Variants in TENM4 observed in about 807,000 individuals in gnomAD.
TENM4 encodes the protein teneurin transmembrane protein 4.
Under a neutral mutation model 243.3 loss-of-function variants are expected in TENM4, and 82 were observed. The observed-to-expected ratio is 0.34, with a 90% CI of 0.28 to 0.40. TENM4 has a LOEUF of 0.40. Among genes scored for constraint, TENM4 ranks in the 10% least tolerant of loss-of-function variants. The pLI is 1.00. For synonymous variants in TENM4, 1,412 were observed against 1,456.3 expected (o/e 0.97, Z 0.69); for missense variants, 3,138 against 3,673.3 (o/e 0.85, Z 3.77).
chr11:79,342,975 A>G (rs1051079131), intron 1 of TENM4, among the ~76,000 whole-genome samples: 1 of 152,208 alleles, frequency 6.6e-6, no homozygotes, highest in African/African-American at 2.4e-5. Context: ...TAAGTCCACC[A>G]CATTCATTTT....
chr11:79,300,030 T>C (rs950940255), intron 1 of TENM4, among the ~76,000 whole-genome samples: 1 of 152,192 alleles, frequency 6.6e-6, no homozygotes, highest in Non-Finnish European at 1.5e-5. Context: ...TGACACCTCT[T>C]CCAGGAAGGC....
chr11:79,384,886 A>T lies in TENM4; in HGVS notation c.-321+55623T>A, dbSNP rs572609286. 4.2e-5 allele frequency among the ~76,000 whole-genome samples: 6 copies of T among 141,206 alleles called. No individual in the cohort carries two copies. The South Asian group carries it at 1.4e-3, about 32-fold the overall frequency. 92.6% of individuals were successfully genotyped at this position (141,206 alleles called of 152,430 possible). On this transcript the variant is annotated intron_variant, in intron 1 of 33. Coordinates refer to ENST00000278550, the MANE Select transcript of TENM4 (RefSeq NM_001098816.3). ...AGTTGCAGTGAGCCGAGATGGCACC[A>T]CTGCACTCCAGCCTGGGCAACAGAG... is the stretch of plus-strand genomic sequence containing the variant.
intron 6 of TENM4, among the ~76,000 whole-genome samples, chr11:78,967,197 T>C (rs535977178): frequency 1.3e-5 from 2 of 152,286 alleles, no homozygotes; most frequent in South Asian, 4.1e-4. Flanking sequence ...TCTTGCAACA[T>C]TTCTCTCCCT....
At chr11:78,802,311 AC>A (rs1252965889) in intron 15 of TENM4, among the ~76,000 whole-genome samples, 6 of 152,210 alleles carry the variant, frequency 3.9e-5, no homozygotes, top group Non-Finnish European at 8.8e-5. Flanking sequence ...TGATTACATA[AC>A]CCGCTGAGGC....
chr11:78,986,348 A>T (rs1335237695), intron 6 of TENM4, among the ~76,000 whole-genome samples: 2 of 152,228 alleles, frequency 1.3e-5, no homozygotes, highest in Non-Finnish European at 2.9e-5. Context: ...TTATTTTCAT[A>T]AAATCTTTTC....
At chr11:78,815,774 A>G (rs1857593044) in intron 12 of TENM4, among the ~76,000 whole-genome samples, 1 of 152,188 alleles carries the variant, frequency 6.6e-6, no homozygotes, top group Admixed American at 6.5e-5. Flanking sequence ...TGTTATTCCT[A>G]TTTTACAACA....
chr11:79,118,862 G>A (rs1224623909), intron 4 of TENM4, among the ~76,000 whole-genome samples: 2 of 152,064 alleles, frequency 1.3e-5, no homozygotes, highest in Admixed American at 1.3e-4. Flanking sequence ...ATGCTGCTAT[G>A]TCCATGGACA....
chr11:79,020,252 A>T (rs1858893175), intron 6 of TENM4, among the ~76,000 whole-genome samples: 2 of 152,090 alleles, frequency 1.3e-5, no homozygotes, highest in African/African-American at 4.8e-5. Flanking sequence ...CCATCAATTA[A>T]CACTACTGCA....
chr11:79,163,830 T>C (rs1473623135), intron 3 of TENM4, among the ~76,000 whole-genome samples: 1 of 146,482 alleles, frequency 6.8e-6, no homozygotes, highest in East Asian at 2.0e-4. Context: ...CATGTATGTG[T>C]ACATATATAT....
At chr11:79,188,190 T>C (rs1863412013) in intron 3 of TENM4, among the ~76,000 whole-genome samples, 1 of 152,154 alleles carries the variant, frequency 6.6e-6, no homozygotes, top group Non-Finnish European at 1.5e-5. Flanking sequence ...TTAAAGTCAA[T>C]TGTAGATAAA....
intron 4 of TENM4, among the ~76,000 whole-genome samples, chr11:79,105,227 A>C (rs1242238574): frequency 6.6e-6 from 1 of 152,188 alleles, no homozygotes; most frequent in Non-Finnish European, 1.5e-5. Flanking sequence ...CTTCATTTGG[A>C]ATTCCCTTTT....
intron 3 of TENM4, 145 bp downstream of exon 3, chr11:79,215,663 G>A (rs996693181): frequency 9.8e-6 from 7 of 713,850 alleles, no homozygotes; most frequent in Non-Finnish European, 1.2e-5. Context: ...ACTCTGGCCA[G>A]AACTCCTCTA....
At chr11:79,004,111 A>T (rs1378323110) in intron 6 of TENM4, among the ~76,000 whole-genome samples, 1 of 152,242 alleles carries the variant, frequency 6.6e-6, no homozygotes, top group East Asian at 1.9e-4. Flanking sequence ...ATATGTATTC[A>T]TCCAACACCG....
intron 3 of TENM4, among the ~76,000 whole-genome samples, chr11:79,201,476 C>G (rs139440408): frequency 7.2e-6 from 1 of 138,996 alleles, no homozygotes; most frequent in African/African-American, 2.7e-5. Context: ...TTCAGAGTGG[C>G]GAAGGTCAAA....
intron 15 of TENM4, among the ~76,000 whole-genome samples, chr11:78,797,652 C>T (rs7926303): frequency 0.062 from 9,461 of 152,256 alleles, 900 homozygotes; most frequent in African/African-American, 0.2. Context: ...TAGGAACTGA[C>T]CATCTCATTG....
At chr11:78,948,973 C>T (rs1355940622) in intron 6 of TENM4, among the ~76,000 whole-genome samples, 1 of 152,216 alleles carries the variant, frequency 6.6e-6, no homozygotes. Context: ...ATTAGGATGG[C>T]TCACTAATGG....
At chr11:79,012,235 G>A (rs542874622) in intron 6 of TENM4, among the ~76,000 whole-genome samples, 5 of 152,304 alleles carry the variant, frequency 3.3e-5, no homozygotes, top group East Asian at 1.9e-4. Context: ...TTTTTAAGCC[G>A]TGTGTATTTG....
rs372114866 is a variant in TENM4 at position 78,709,134 on chromosome 11, A to ATTTTT, written c.4055-624_4055-620dup. On this transcript the variant is annotated intron_variant, in intron 26 of 33. Coordinates refer to ENST00000278550, the MANE Select transcript of TENM4 (RefSeq NM_001098816.3). ...AGGCATGCGCCACCATGCCTGGCTA[A>ATTTTT]TTTTTTTTTTTTTTTTTTTAGTAGA... Among the ~76,000 whole-genome samples the ATTTTT allele has an allele frequency of 1.0e-4, 13 of 126,108 alleles. 1 individual carries two copies. The highest frequency in any genetic ancestry group is 3.5e-4 in the African/African-American group (11 of 31,756). The allele number at this position is 126,108 out of a possible 152,430, so 82.7% of individuals were successfully genotyped here. A position where few individuals can be genotyped will look rare whatever the true frequency, so the allele number is the denominator to read the frequency against.
At chr11:79,040,679 G>A (rs1859499644) in intron 6 of TENM4, among the ~76,000 whole-genome samples, 1 of 152,170 alleles carries the variant, frequency 6.6e-6, no homozygotes, top group African/African-American at 2.4e-5. Flanking sequence ...GAGGGAGGAT[G>A]ATGCTGCTGC....
Sources: allele counts gnomAD v4.1 joint callset (sites outside exome capture counted in the v4.1 genomes callset), GRCh38; gene constraint gnomAD v4.1.1; transcripts MANE v1.5; gene names NCBI Gene and HGNC (gene_info 2026-07-23, HGNC 2026-07-21).